Variants in RBM25 observed in about 807,000 individuals in gnomAD.
The protein encoded by RBM25 is RNA-binding protein 25.
Under a neutral mutation model 120.7 loss-of-function variants are expected in RBM25, and 19 were observed. The ratio of observed to expected loss-of-function variants is 0.16; its 90% CI spans 0.11 to 0.23. The LOEUF (loss-of-function observed/expected upper bound fraction) is 0.23. Ranked by LOEUF, RBM25 falls within the 10% of genes least tolerant of loss-of-function variation. The pLI is 1.00. For missense variants in RBM25, 605 were observed against 1,041.5 expected (o/e 0.58, Z 5.77); for synonymous variants, 390 against 326.7 (o/e 1.19, Z -2.09).
intron 1 of RBM25, among the ~76,000 whole-genome samples, chr14:73,067,915 A>G (rs188222269): frequency 1.2e-4 from 18 of 152,032 alleles, no homozygotes; most frequent in African/African-American, 3.9e-4. Flanking sequence ...TTGTTTTTAT[A>G]TGTATCATTA....
intron 3 of RBM25, 41 bp from the exon 4 acceptor site, chr14:73,077,328 T>A (rs1284450578): frequency 1.3e-6 from 2 of 1,524,424 alleles, no homozygotes; most frequent in Non-Finnish European, 1.8e-6. Context: ...GGTAGGAAAT[T>A]TAATTGCTGG....
chr14:73,117,302 G>T (rs1475756302), intron 18 of RBM25, among the ~76,000 whole-genome samples: 2 of 128,662 alleles, frequency 1.6e-5, no homozygotes, highest in Admixed American at 2.0e-4. Flanking sequence ...CGCGATCTTG[G>T]CTCACTGTAA....
In RBM25 at chr14:73,121,573, G is replaced by A. The variant is rs1351012341; in HGVS notation, c.*1768G>A. ...AGAAAAGATGCCCCTTGCCATTTTC[G>A]TTAATTTTTCAGTCTTTTCTTAGAC... On this transcript the variant is annotated 3_prime_UTR_variant, in exon 19 of 19. Coordinates refer to ENST00000261973, the MANE Select transcript of RBM25 (RefSeq NM_021239.3). 7 of 152,200 alleles carry A rather than the reference G, an allele frequency of 4.6e-5. No individual in the cohort carries two copies. The East Asian group carries it at 5.8e-4, about 13-fold the overall frequency. 9.4% of individuals were successfully genotyped at this position (152,200 alleles called of 1,614,324 possible). A position where few individuals can be genotyped will look rare whatever the true frequency, so the allele number is the denominator to read the frequency against.
intron 6 of RBM25, among the ~76,000 whole-genome samples, chr14:73,095,429 C>T (rs1040941261): frequency 1.3e-5 from 2 of 151,398 alleles, no homozygotes; most frequent in Non-Finnish European, 2.9e-5. Context: ...ACGGTGAAAC[C>T]CCCATCTCTA....
At chr14:73,095,786 T>C (rs1895928991) in intron 6 of RBM25, among the ~76,000 whole-genome samples, 1 of 152,174 alleles carries the variant, frequency 6.6e-6, no homozygotes, top group African/African-American at 2.4e-5. Flanking sequence ...GCAGGAATTA[T>C]GACCAAGAGC....
At chr14:73,066,374 AC>A (rs1421273184) in intron 1 of RBM25, among the ~76,000 whole-genome samples, 1 of 152,112 alleles carries the variant, frequency 6.6e-6, no homozygotes. Flanking sequence ...AGTGGCTTAT[AC>A]CTGTAATCCC....
chr14:73,118,958 G>A (rs1253745076), intron 18 of RBM25, among the ~76,000 whole-genome samples: 1 of 151,974 alleles, frequency 6.6e-6, no homozygotes, highest in Non-Finnish European at 1.5e-5. Flanking sequence ...TAGTAGAGAT[G>A]GGGTTTCGTC....
chr14:73,106,944 A>G lies in RBM25; in HGVS notation c.1467+659A>G, dbSNP rs529455429. Among the ~76,000 whole-genome samples the G allele has an allele frequency of 6.6e-5, 10 of 151,334 alleles. No homozygotes were observed. In the East Asian group the frequency reaches 9.7e-4, roughly 15 times the overall value. On this transcript the variant is annotated intron_variant, in intron 12 of 18. Transcript: ENST00000261973. ...TCCTCCCAGGTTCAAGCGATAAGCG[A>G]TTCTCCTGCCTCAGCCTCCCGAGTA...
rs1432686946 is a variant in RBM25, at chr14:73,120,694, AATTCT to A, written c.*893_*897del. Reference sequence around the variant, plus strand: ...TTTTGCACTAATTGGTCCTTAGTTTAATTCTATTGTATCTGTTTATTTAACAAAAA... The same window carrying A: ...TTTTGCACTAATTGGTCCTTAGTTTAATTGTATCTGTTTATTTAACAAAAA... On this transcript the variant is annotated 3_prime_UTR_variant, in exon 19 of 19. Transcript: ENST00000261973. The A allele has an allele frequency of 1.3e-5, 2 of 152,190 alleles. No homozygotes were observed. The highest frequency in any genetic ancestry group is 2.9e-5 in the Non-Finnish European group (2 of 68,014). The allele number at this position is 152,190 out of a possible 1,614,324, so 9.4% of individuals were successfully genotyped here.
In RBM25 at chr14:73,105,916, A is replaced by ACGAGAG; in HGVS notation, c.1218_1223dup (p.Arg425_Glu426dup). 1.2e-6 allele frequency: 2 copies of ACGAGAG among 1,610,788 alleles called. No individual in the cohort carries two copies. Among genetic ancestry groups the ACGAGAG allele is most frequent in the Non-Finnish European group, 1.7e-6 (2 of 1,178,138 alleles). ...AGCGGGAAAGAGAGAGAGAGAGAGA[A>ACGAGAG]CGAGAGCGAGAACGAGAACGGGAGC... On this transcript the variant is annotated inframe_insertion, in exon 11 of 19. Coordinates refer to ENST00000261973, the MANE Select transcript of RBM25 (RefSeq NM_021239.3).
At chr14:73,103,975 C>A (rs1290970138) in intron 10 of RBM25, among the ~76,000 whole-genome samples, 38 of 148,124 alleles carry the variant, frequency 2.6e-4, no homozygotes, top group African/African-American at 8.2e-4. Flanking sequence ...CACACACACA[C>A]ACACACACAC....
chr14:73,061,486 G>A (rs1440505102), intron 1 of RBM25, among the ~76,000 whole-genome samples: 5 of 151,360 alleles, frequency 3.3e-5, no homozygotes, highest in African/African-American at 1.2e-4. Context: ...GATTCCTTCT[G>A]TCTGTTTGCA....
intron 4 of RBM25, among the ~76,000 whole-genome samples, chr14:73,082,108 A>G (rs1218600012): frequency 2.6e-5 from 4 of 151,836 alleles, no homozygotes; most frequent in Non-Finnish European, 5.9e-5. Context: ...TTGATTTCCT[A>G]TTTTCCATCT....
intron 4 of RBM25, among the ~76,000 whole-genome samples, chr14:73,080,082 C>T (rs1214814794): frequency 6.7e-6 from 1 of 150,350 alleles, no homozygotes; most frequent in South Asian, 2.1e-4. Flanking sequence ...AGATTCTCAT[C>T]ACAAATTCTC....
At chr14:73,089,529 AT>A (rs1267444694) in intron 6 of RBM25, among the ~76,000 whole-genome samples, 1 of 151,458 alleles carries the variant, frequency 6.6e-6, no homozygotes, top group East Asian at 1.9e-4. Context: ...AAATTTTTGT[AT>A]TTTTAGTAGA....
rs184566232 is a variant in RBM25 at position 73,077,704 on chromosome 14, C to A, written c.324+168C>A. ...CGTTTGTATTCTTTTCCTAGATTCA[C>A]CAATGAACATGTTTAGATATTTTAT... On this transcript the variant is annotated intron_variant, in intron 4 of 18. Transcript: ENST00000261973. Among the ~76,000 whole-genome samples, 192 of 152,278 alleles carry A rather than the reference C, an allele frequency of 1.3e-3. 1 individual carries two copies. The highest frequency in any genetic ancestry group is 1.6e-4 in the Non-Finnish European group (11 of 68,034).
At chr14:73,081,550 G>A (rs1490849158) in intron 4 of RBM25, among the ~76,000 whole-genome samples, 1 of 152,044 alleles carries the variant, frequency 6.6e-6, no homozygotes, top group African/African-American at 2.4e-5. Flanking sequence ...TCTGTGTTGG[G>A]TGGTTTGGAT....
At position 73,080,665 on chromosome 14, in the gene RBM25, G is replaced by T. The variant is rs373911842; in HGVS notation, c.325-2829G>T. On this transcript the variant is annotated intron_variant, in intron 4 of 18. Coordinates refer to ENST00000261973, the MANE Select transcript of RBM25 (RefSeq NM_021239.3). ...TGTTGACATGTTATGGTAGCTTGAG[G>T]CCTAAACTGTTAAAGGCCTCAGTCT... Among the ~76,000 whole-genome samples, 83 of 152,104 alleles carry T rather than the reference G, an allele frequency of 5.5e-4. 1 individual carries two copies. Among genetic ancestry groups the T allele is most frequent in the African/African-American group, 7.7e-4 (32 of 41,492 alleles).
Position 73,068,558 on chromosome 14 carries a change from T to C in RBM25, c.-15-3069T>C. 3 of 645,374 alleles carry C rather than the reference T, an allele frequency of 4.6e-6. No individual in the cohort carries two copies. The East Asian group carries it at 1.2e-4, about 27-fold the overall frequency. 40.0% of individuals were successfully genotyped at this position (645,374 alleles called of 1,614,324 possible). ...CATTAGATGACCAATTCTTTGGCACTGATGTGCTTTTGCCAGTGTACGGTA... is the reference window on the plus strand; with the variant it reads ...CATTAGATGACCAATTCTTTGGCACCGATGTGCTTTTGCCAGTGTACGGTA... On this transcript the variant is annotated intron_variant, in intron 1 of 18. Coordinates refer to ENST00000261973, the MANE Select transcript of RBM25 (RefSeq NM_021239.3).
Sources: allele counts gnomAD v4.1 joint callset (sites outside exome capture counted in the v4.1 genomes callset), GRCh38; gene constraint gnomAD v4.1.1; transcripts MANE v1.5; gene names NCBI Gene and HGNC (gene_info 2026-07-23, HGNC 2026-07-21).